Variants in RNF157 observed in about 807,000 individuals in gnomAD.
RNF157 encodes the protein ring finger protein 157.
Under a neutral mutation model 88.3 loss-of-function variants are expected in RNF157, and 55 were observed. That is an observed-to-expected ratio of 0.62 (90% CI 0.50 to 0.78). RNF157 has a LOEUF of 0.78. Among genes scored for constraint, RNF157 ranks in the 30% least tolerant of loss-of-function variants. The pLI is 0.00. For missense variants in RNF157, 788 were observed against 860.8 expected (o/e 0.92, Z 1.06); for synonymous variants, 334 against 341.2 (o/e 0.98, Z 0.23).
Position 76,211,125 on chromosome 17 carries a change from A to C in RNF157, c.207+1239T>G, listed in dbSNP as rs545663691. Among the ~76,000 whole-genome samples the C allele has an allele frequency of 1.6e-4, 24 of 152,322 alleles. 1 individual carries two copies. The highest frequency in any genetic ancestry group is 5.5e-4 in the African/African-American group (23 of 41,572). ...TGGCCCACCTTTCCAATCGGGCCAGACTGGTTTCCTTATTTGTTCCAGGGA... is the reference window on the plus strand; with the variant it reads ...TGGCCCACCTTTCCAATCGGGCCAGCCTGGTTTCCTTATTTGTTCCAGGGA... On this transcript the variant is annotated intron_variant, in intron 2 of 18. Coordinates refer to ENST00000269391, the MANE Select transcript of RNF157 (RefSeq NM_052916.3).
Position 76,144,984 on chromosome 17 carries a change from C to T in RNF157, c.*251G>A, listed in dbSNP as rs574793693. 21 of 456,574 alleles carry T rather than the reference C, an allele frequency of 4.6e-5. No homozygotes were observed. Among genetic ancestry groups the T allele is most frequent in the Admixed American group, 4.0e-4 (10 of 24,752 alleles). The allele number at this position is 456,574 out of a possible 1,614,324, so 28.3% of individuals were successfully genotyped here. ...CAGCTCCACCTGAACATCAATATAC[C>T]GTGAGGACATTCCAGAGTCCCTGCA... On this transcript the variant is annotated 3_prime_UTR_variant, in exon 19 of 19. Transcript: ENST00000269391.
At chr17:76,189,815 T>C (rs1017386602) in intron 2 of RNF157, among the ~76,000 whole-genome samples, 2 of 144,440 alleles carry the variant, frequency 1.4e-5, no homozygotes, top group South Asian at 4.4e-4. Context: ...GTTCTGGGTT[T>C]GTTGGGAGGA....
At chr17:76,173,191 C>G (rs1350798491) in intron 3 of RNF157, among the ~76,000 whole-genome samples, 1 of 151,782 alleles carries the variant, frequency 6.6e-6, no homozygotes, top group African/African-American at 2.4e-5. Context: ...GAGGCTGAGG[C>G]AGGAGAATGG....
Position 76,161,969 on chromosome 17 carries a change from C to T in RNF157, c.826G>A (p.Glu276Lys), listed in dbSNP as rs2068852659. 1.9e-6 allele frequency: 3 copies of T among 1,614,152 alleles called. No individual in the cohort carries two copies. The highest frequency in any genetic ancestry group is 1.7e-6 in the Non-Finnish European group (2 of 1,180,030). The stretch of plus-strand genomic sequence containing the variant: ...ACATCCGAGAGACACACCACACACT[C>T]GGCACTGTTATCACTCACTTCGTCT... Reference protein sequence around the residue: ...AEDEVSDNSAECVVCLSDVRD... With the variant: ...AEDEVSDNSAKCVVCLSDVRD... Residue 276 changes from glutamate to lysine, a missense_variant, in exon 10 of 19, where the codon GAG (glutamate) becomes AAG (lysine). Coordinates refer to ENST00000269391, the MANE Select transcript of RNF157 (RefSeq NM_052916.3). The surrounding 1 kb of genome is among the most constrained non-coding windows in gnomAD (Gnocchi z 4.6).
intron 2 of RNF157, among the ~76,000 whole-genome samples, chr17:76,207,382 C>A (rs941074993): frequency 2.3e-4 from 35 of 152,200 alleles, no homozygotes; most frequent in African/African-American, 8.4e-4. Flanking sequence ...ATGATCACGC[C>A]ACTGCACTCC....
intron 17 of RNF157, chr17:76,153,851 A>G: frequency 5.9e-6 from 1 of 170,056 alleles, no homozygotes; most frequent in Non-Finnish European, 1.3e-5. Flanking sequence ...TAACTAAAGC[A>G]AGACCTGACC....
chr17:76,225,795 T>G (rs61742461), intron 1 of RNF157: 6 of 1,566,854 alleles, frequency 3.8e-6, no homozygotes, highest in Non-Finnish European at 5.2e-6. Context: ...ACCTCTTCTA[T>G]CAAATCTTTC....
chr17:76,235,782 G>T (rs1317777927), intron 1 of RNF157, among the ~76,000 whole-genome samples: 1 of 152,126 alleles, frequency 6.6e-6, no homozygotes, highest in African/African-American at 2.4e-5. Context: ...CCCGAGGTGG[G>T]AGGACTGCTT....
rs373338112 is a variant in RNF157, at chr17:76,166,999, G to A, written c.561+10C>T. The A allele has an allele frequency of 3.1e-6, 5 of 1,591,830 alleles. No homozygotes were observed. Among genetic ancestry groups the A allele is most frequent in the Non-Finnish European group, 4.3e-6 (5 of 1,170,866 alleles). On this transcript the variant is annotated intron_variant, in intron 5 of 18. Transcript: ENST00000269391. ...GTGGATGTGGGAAACCCTCCCCAGA[G>A]GCAGCTCACCTCCTCTTCGGCCCAC...
chr17:76,145,206 G>T lies in RNF157; in HGVS notation c.*29C>A. ...TGAGGATGGATGGAATGCAGGGCAG[G>T]AGGGGAGCCCAAGTGCAGAGGCTGG... On this transcript the variant is annotated 3_prime_UTR_variant, in exon 19 of 19. Coordinates refer to ENST00000269391, the MANE Select transcript of RNF157 (RefSeq NM_052916.3). 1 of 1,435,396 alleles carries T rather than the reference G, an allele frequency of 7.0e-7. No homozygotes were observed. Among genetic ancestry groups the T allele is most frequent in the Non-Finnish European group, 9.8e-7 (1 of 1,024,084 alleles). 88.9% of individuals were successfully genotyped at this position (1,435,396 alleles called of 1,614,324 possible). A position where few individuals can be genotyped will look rare whatever the true frequency, so the allele number is the denominator to read the frequency against.
At position 76,142,787 on chromosome 17, in the gene RNF157, G is replaced by A. The variant is rs1002848635; in HGVS notation, c.*2448C>T. 3 of 152,634 alleles carry A rather than the reference G, an allele frequency of 2.0e-5. No individual in the cohort carries two copies. Among genetic ancestry groups the A allele is most frequent in the Admixed American group, 1.3e-4 (2 of 15,290 alleles). 9.5% of individuals were successfully genotyped at this position (152,634 alleles called of 1,614,324 possible). ...TGCCTCAGCGGGGGTAGAAACTCTGGTGGGATGGAGCTGGGCAGAAGGAAA... is the reference window on the plus strand; with the variant it reads ...TGCCTCAGCGGGGGTAGAAACTCTGATGGGATGGAGCTGGGCAGAAGGAAA... On this transcript the variant is annotated 3_prime_UTR_variant, in exon 19 of 19. Transcript: ENST00000269391.
chr17:76,156,166 G>T, intron 14 of RNF157, 44 bp downstream of exon 14: 2 of 1,464,710 alleles, frequency 1.4e-6, no homozygotes, highest in Non-Finnish European at 1.9e-6. Context: ...CTGTGGGCTG[G>T]GTAAGGGGGA....
chr17:76,225,659 T>A (rs2070069052), intron 1 of RNF157: 14 of 1,120,734 alleles, frequency 1.2e-5, no homozygotes, highest in African/African-American at 1.6e-5. Context: ...AAATAATATG[T>A]ATTTTTTTCC....
intron 2 of RNF157, among the ~76,000 whole-genome samples, chr17:76,189,079 T>C (rs2069340292): frequency 6.6e-6 from 1 of 152,036 alleles, no homozygotes; most frequent in Admixed American, 6.6e-5. Context: ...CTAGCACACA[T>C]TGGAGGAGAT....
intron 18 of RNF157, among the ~76,000 whole-genome samples, chr17:76,148,382 G>A (rs947913272): frequency 2.0e-5 from 3 of 147,268 alleles, no homozygotes; most frequent in Admixed American, 6.9e-5. Flanking sequence ...TTCTACTGTC[G>A]CAGCCTCCTG....
intron 2 of RNF157, among the ~76,000 whole-genome samples, chr17:76,177,330 G>A (rs931165958): frequency 1.1e-4 from 15 of 130,556 alleles, no homozygotes; most frequent in South Asian, 2.6e-4. Context: ...CAGCAGGCTC[G>A]GAAGTGCCTG....
intron 1 of RNF157, among the ~76,000 whole-genome samples, chr17:76,238,449 G>A (rs1248153775): frequency 2.6e-5 from 4 of 152,214 alleles, no homozygotes; most frequent in African/African-American, 4.8e-5. Flanking sequence ...TATTTATTGA[G>A]TGTGCTAATT....
intron 12 of RNF157, 98 bp from the exon 13 acceptor site, chr17:76,158,599 G>C: frequency 1.2e-6 from 1 of 836,404 alleles, no homozygotes. Flanking sequence ...AATATTTTTT[G>C]CTTGTTTATT....
intron 2 of RNF157, among the ~76,000 whole-genome samples, chr17:76,182,811 A>G (rs1324982130): frequency 7.5e-6 from 1 of 132,790 alleles, no homozygotes; most frequent in Non-Finnish European, 1.5e-5. Context: ...TATGAGAGAG[A>G]TATATATCCT....
Sources: allele counts gnomAD v4.1 joint callset (sites outside exome capture counted in the v4.1 genomes callset), GRCh38; gene constraint gnomAD v4.1.1; non-coding constraint Gnocchi (gnomAD v3.1); transcripts MANE v1.5; gene names NCBI Gene and HGNC (gene_info 2026-07-23, HGNC 2026-07-21).